Variants in MRAS observed in about 807,000 individuals in gnomAD.
MRAS encodes muscle RAS oncogene homolog.
Under a neutral mutation model 20.9 loss-of-function variants are expected in MRAS, and 4 were observed. That is an observed-to-expected ratio of 0.19 (90% CI 0.09 to 0.44). The LOEUF (loss-of-function observed/expected upper bound fraction) is 0.44. MRAS is among the 20% of genes least tolerant of loss of function. The pLI is 0.99. For missense variants in MRAS, 154 were observed against 277.5 expected (o/e 0.56, Z 3.16); for synonymous variants, 98 against 102.9 (o/e 0.95, Z 0.29).
intron 1 of MRAS, among the ~76,000 whole-genome samples, chr3:138,352,912 A>G (rs2054256683): frequency 2.0e-5 from 3 of 152,060 alleles, no homozygotes; most frequent in Admixed American, 2.0e-4. Flanking sequence ...CCCAGCCCTC[A>G]GTGTCGTCAT....
At chr3:138,378,930 T>C (rs1361384122) in intron 2 of MRAS, among the ~76,000 whole-genome samples, 2 of 152,116 alleles carry the variant, frequency 1.3e-5, no homozygotes, top group South Asian at 2.1e-4. Context: ...CCCTTTTCTT[T>C]TATTGATATC....
intron 1 of MRAS, among the ~76,000 whole-genome samples, chr3:138,370,349 T>C (rs1182194371): frequency 6.6e-6 from 1 of 152,118 alleles, no homozygotes; most frequent in Non-Finnish European, 1.5e-5. Context: ...CAAACACCTT[T>C]CACCCATAGC....
At chr3:138,362,318 C>T (rs569622341) in intron 1 of MRAS, among the ~76,000 whole-genome samples, 1 of 152,192 alleles carries the variant, frequency 6.6e-6, no homozygotes, top group Non-Finnish European at 1.5e-5. Context: ...ATCCCAGCTT[C>T]TCTTTTCACT....
chr3:138,367,206 A>G (rs1489965212), intron 1 of MRAS, among the ~76,000 whole-genome samples: 1 of 152,168 alleles, frequency 6.6e-6, no homozygotes, highest in Non-Finnish European at 1.5e-5. Context: ...GCAGGGGCCC[A>G]ACTACTTTGT....
chr3:138,358,849 G>A (rs1257598211), intron 1 of MRAS, among the ~76,000 whole-genome samples: 1 of 152,192 alleles, frequency 6.6e-6, no homozygotes, highest in East Asian at 1.9e-4. Flanking sequence ...TATATTTAAG[G>A]TGCTTAGCAT....
intron 1 of MRAS, among the ~76,000 whole-genome samples, chr3:138,356,481 T>C (rs1013168120): frequency 6.6e-6 from 1 of 152,218 alleles, no homozygotes; most frequent in Non-Finnish European, 1.5e-5. Flanking sequence ...TCTCCCTTTT[T>C]AGATAACCCA....
At chr3:138,373,997 C>T (rs1050017739) in intron 2 of MRAS, among the ~76,000 whole-genome samples, 6 of 151,794 alleles carry the variant, frequency 4.0e-5, no homozygotes, top group Non-Finnish European at 7.4e-5. Flanking sequence ...CGCTCTGTCA[C>T]CAGGTTGGTG....
chr3:138,394,740 T>C (rs893630370), intron 2 of MRAS, among the ~76,000 whole-genome samples: 4 of 152,202 alleles, frequency 2.6e-5, no homozygotes, highest in African/African-American at 9.7e-5. Flanking sequence ...ACTATTCCCC[T>C]AGACGCTCAG....
rs1252001313 is a variant in MRAS at position 138,348,706 on chromosome 3, A to C, written c.-80A>C. On this transcript the variant is annotated 5_prime_UTR_variant, in exon 1 of 6. Coordinates refer to ENST00000423968, the MANE Select transcript of MRAS (RefSeq NM_001085049.3). The stretch of plus-strand genomic sequence containing the variant: ...CCGGCGGGCGCGACGCTGCCTCCTC[A>C]CCGGCGCAGGCTAGGAGGGGGCGGC... 2.0e-5 allele frequency: 3 copies of C among 151,246 alleles called. No individual in the cohort carries two copies. Among genetic ancestry groups the C allele is most frequent in the Non-Finnish European group, 4.4e-5 (3 of 67,790 alleles). The allele number at this position is 151,246 out of a possible 1,614,324, so 9.4% of individuals were successfully genotyped here. A position where few individuals can be genotyped will look rare whatever the true frequency, so the allele number is the denominator to read the frequency against.
At chr3:138,374,473 T>C (rs1352119411) in intron 2 of MRAS, among the ~76,000 whole-genome samples, 1 of 152,272 alleles carries the variant, frequency 6.6e-6, no homozygotes, top group Admixed American at 6.5e-5. Flanking sequence ...TTCTAGTATC[T>C]TTTTTGTAGA....
At chr3:138,365,413 T>G (rs1021115773) in intron 1 of MRAS, among the ~76,000 whole-genome samples, 1 of 152,204 alleles carries the variant, frequency 6.6e-6, no homozygotes, top group African/African-American at 2.4e-5. Flanking sequence ...TGAGGAAGCA[T>G]GTGGTACTTA....
At chr3:138,389,041 C>T (rs543203245) in intron 2 of MRAS, among the ~76,000 whole-genome samples, 39 of 151,922 alleles carry the variant, frequency 2.6e-4, no homozygotes, top group Non-Finnish European at 4.9e-4. Flanking sequence ...TGGGTTTTAC[C>T]GTGTTGTCTA....
At chr3:138,386,225 A>G (rs187616238) in intron 2 of MRAS, among the ~76,000 whole-genome samples, 3 of 151,900 alleles carry the variant, frequency 2.0e-5, no homozygotes, top group Admixed American at 6.6e-5. Context: ...TTCATCCCCA[A>G]CCCTGCTCAA....
At chr3:138,391,788 T>G (rs1453963848) in intron 2 of MRAS, among the ~76,000 whole-genome samples, 2 of 152,222 alleles carry the variant, frequency 1.3e-5, no homozygotes, top group Admixed American at 1.3e-4. Context: ...TTCTGGAATT[T>G]GTTGAAATTT....
At chr3:138,370,196 G>A (rs7626388) in intron 1 of MRAS, among the ~76,000 whole-genome samples, 97,008 of 151,950 alleles carry the variant, frequency 0.64, 31,147 homozygotes, top group Admixed American at 0.76. Context: ...GTGGGCGCCT[G>A]TAATCCCAGC....
At chr3:138,397,236 A>G in intron 2 of MRAS, 88 bp from the exon 3 acceptor site, 1 of 1,291,778 alleles carries the variant, frequency 7.7e-7, no homozygotes, top group South Asian at 1.5e-5. Flanking sequence ...CGGTAGGGAC[A>G]GCAGCAGCAG....
At chr3:138,354,504 C>T (rs1161372014) in intron 1 of MRAS, among the ~76,000 whole-genome samples, 1 of 152,146 alleles carries the variant, frequency 6.6e-6, no homozygotes, top group Non-Finnish European at 1.5e-5. Flanking sequence ...GTGGGCCTCC[C>T]TAGAAGTTGT....
intron 1 of MRAS, among the ~76,000 whole-genome samples, chr3:138,368,806 C>T (rs553976089): frequency 1.1e-4 from 17 of 152,278 alleles, no homozygotes; most frequent in East Asian, 3.9e-4. Context: ...TTCTCTGTAC[C>T]GCATGAGACC....
At chr3:138,352,505 G>C (rs574959760) in intron 1 of MRAS, among the ~76,000 whole-genome samples, 1 of 151,830 alleles carries the variant, frequency 6.6e-6, no homozygotes, top group South Asian at 2.1e-4. Flanking sequence ...TGATTTTTTT[G>C]GTTATATGTT....
Sources: allele counts gnomAD v4.1 joint callset (sites outside exome capture counted in the v4.1 genomes callset), GRCh38; gene constraint gnomAD v4.1.1; transcripts MANE v1.5; gene names NCBI Gene and HGNC (gene_info 2026-07-23, HGNC 2026-07-21).